The following GLT1D1 variants were observed in gnomAD, a reference collection of about 807,000 sequenced individuals.
The protein encoded by GLT1D1 is glycosyltransferase 1 domain containing 1, also known as glycosyltransferase 1 domain-containing protein 1.
In GLT1D1, 21 loss-of-function variants were observed where a neutral mutation model predicts 28.7. The ratio of observed to expected loss-of-function variants is 0.73; its 90% CI spans 0.52 to 1.05. GLT1D1 has a LOEUF of 1.05. GLT1D1 is among the 50% of genes least tolerant of loss of function. The pLI, the probability that GLT1D1 is intolerant of heterozygous loss-of-function variation, is 0.00. For missense variants in GLT1D1, 343 were observed against 330.6 expected, an observed-to-expected ratio of 1.04 and a Z score of -0.29; for synonymous variants, 147 against 124.8, an observed-to-expected ratio of 1.18 and a Z score of -1.19.
Position 128,853,513 on chromosome 12 carries a change from G to C in GLT1D1, c.-69G>C. 9.9e-7 allele frequency: 1 copy of C among 1,008,306 alleles called. No individual in the cohort carries two copies. The highest frequency in any genetic ancestry group is 1.2e-6 in the Non-Finnish European group (1 of 846,022). The allele number at this position is 1,008,306 out of a possible 1,614,324, so 62.5% of individuals were successfully genotyped here. A position where few individuals can be genotyped will look rare whatever the true frequency, so the allele number is the denominator to read the frequency against. On this transcript the variant is annotated 5_prime_UTR_variant, in exon 1 of 8. Transcript: ENST00000281703. ...CCGCCCCGGCTCCCCCGCCGTCCGCGTCTGCGCCGGCCCCGGGGCCTGGTC... is the reference window on the plus strand; with the variant it reads ...CCGCCCCGGCTCCCCCGCCGTCCGCCTCTGCGCCGGCCCCGGGGCCTGGTC...
At chr12:128,893,304 T>C (rs568661834) in intron 3 of GLT1D1, among the ~76,000 whole-genome samples, 1 of 152,202 alleles carries the variant, frequency 6.6e-6, no homozygotes, top group South Asian at 2.1e-4. Flanking sequence ...AGAGAGTTTG[T>C]ATAAAATGAA....
At chr12:128,877,947 C>T (rs1013150075) in intron 2 of GLT1D1, among the ~76,000 whole-genome samples, 5 of 152,318 alleles carry the variant, frequency 3.3e-5, no homozygotes, top group African/African-American at 1.2e-4. Context: ...GTCTCAGTTC[C>T]TTACCACATG....
intron 2 of GLT1D1, among the ~76,000 whole-genome samples, chr12:128,881,561 A>AATATATATATATATATATATATATAT (rs1174737837): frequency 5.9e-5 from 2 of 33,722 alleles, no homozygotes; most frequent in African/African-American, 1.1e-4. Flanking sequence ...AAAAAAAAAA[A>AATATATATATATATATATATATATAT]ATATATATAT....
chr12:128,866,819 C>T (rs1001000014), intron 1 of GLT1D1, among the ~76,000 whole-genome samples: 1 of 151,896 alleles, frequency 6.6e-6, no homozygotes, highest in Non-Finnish European at 1.5e-5. Flanking sequence ...CAGGGTTTCA[C>T]CTTGTTGGCC....
intron 2 of GLT1D1, 59 bp downstream of exon 2, chr12:128,876,121 G>A: frequency 2.0e-6 from 3 of 1,465,288 alleles, no homozygotes; most frequent in Non-Finnish European, 1.9e-6. Flanking sequence ...GGAAGTGCCT[G>A]TAATGTCCAA....
chr12:128,952,536 G>A (rs1593181531), intron 6 of GLT1D1, among the ~76,000 whole-genome samples: 2 of 149,100 alleles, frequency 1.3e-5, no homozygotes, highest in South Asian at 2.1e-4. Flanking sequence ...AGCCGATCTC[G>A]GCTCACCCCA....
intron 4 of GLT1D1, among the ~76,000 whole-genome samples, chr12:128,916,032 T>C (rs1176601845): frequency 1.3e-5 from 2 of 152,216 alleles, no homozygotes; most frequent in Non-Finnish European, 2.9e-5. Context: ...AATTTCTGTC[T>C]CTTTATAGGC....
chr12:128,870,621 A>G (rs1382807853), intron 1 of GLT1D1, among the ~76,000 whole-genome samples: 4 of 152,368 alleles, frequency 2.6e-5, no homozygotes, highest in South Asian at 4.1e-4. Context: ...ATTTTAGTTC[A>G]TGAATAATTT....
chr12:128,944,488 C>T, intron 4 of GLT1D1: 1 of 1,170,816 alleles, frequency 8.5e-7, no homozygotes, highest in Non-Finnish European at 1.3e-6. Flanking sequence ...GAGCGGCTCC[C>T]CTGTCAGAGC....
intron 2 of GLT1D1, among the ~76,000 whole-genome samples, chr12:128,879,793 T>C (rs977439603): frequency 6.6e-6 from 1 of 152,214 alleles, no homozygotes; most frequent in Middle Eastern, 3.2e-3. Flanking sequence ...TTTACACACA[T>C]ATGTGGAACA....
chr12:128,864,693 G>A (rs1318338247), intron 1 of GLT1D1, among the ~76,000 whole-genome samples: 1 of 152,342 alleles, frequency 6.6e-6, no homozygotes, highest in East Asian at 1.9e-4. Flanking sequence ...AGGGGCTCGG[G>A]CATATTTGAT....
chr12:128,856,743 G>A (rs953598282), intron 1 of GLT1D1, among the ~76,000 whole-genome samples: 2 of 152,080 alleles, frequency 1.3e-5, no homozygotes, highest in Non-Finnish European at 2.9e-5. Context: ...TTGTGCTTAA[G>A]AAGTAATTAC....
At chr12:128,916,092 A>G (rs1290074263) in intron 4 of GLT1D1, among the ~76,000 whole-genome samples, 3 of 152,180 alleles carry the variant, frequency 2.0e-5, no homozygotes, top group Non-Finnish European at 2.9e-5. Flanking sequence ...CCTGTTCTTG[A>G]ACTTCATCTA....
At chr12:128,879,761 CCT>C (rs1292490943) in intron 2 of GLT1D1, among the ~76,000 whole-genome samples, 1 of 152,034 alleles carries the variant, frequency 6.6e-6, no homozygotes, top group African/African-American at 2.4e-5. Context: ...GCAGCCGGCC[CCT>C]GTTATTTCTT....
intron 1 of GLT1D1, among the ~76,000 whole-genome samples, chr12:128,863,380 T>TA (rs1351916036): frequency 1.3e-5 from 2 of 150,912 alleles, no homozygotes; most frequent in African/African-American, 4.9e-5. Flanking sequence ...AATTTATTAT[T>TA]TTTTTTTTTG....
At chr12:128,924,225 G>A (rs1049249337) in intron 4 of GLT1D1, among the ~76,000 whole-genome samples, 1 of 151,844 alleles carries the variant, frequency 6.6e-6, no homozygotes, top group Non-Finnish European at 1.5e-5. Flanking sequence ...TCAGGAGTTC[G>A]AGACCAGCCT....
chr12:128,915,584 C>T (rs1014777665), intron 4 of GLT1D1, among the ~76,000 whole-genome samples: 8 of 151,982 alleles, frequency 5.3e-5, no homozygotes, highest in Admixed American at 1.3e-4. Context: ...AGGCTGGTCT[C>T]GAACTCCTGA....
intron 1 of GLT1D1, among the ~76,000 whole-genome samples, chr12:128,870,807 A>C (rs1244249132): frequency 6.6e-6 from 1 of 152,048 alleles, no homozygotes; most frequent in Non-Finnish European, 1.5e-5. Context: ...GCCTGCCAAC[A>C]TGGTGAAACT....
At chr12:128,981,077 A>G (rs1255368452) in intron 7 of GLT1D1, among the ~76,000 whole-genome samples, 1 of 152,200 alleles carries the variant, frequency 6.6e-6, no homozygotes, top group Non-Finnish European at 1.5e-5. Context: ...CTTAGGATTC[A>G]AGAGAGATTT....
Sources: allele counts gnomAD v4.1 joint callset (sites outside exome capture counted in the v4.1 genomes callset), GRCh38; gene constraint gnomAD v4.1.1; transcripts MANE v1.5; gene names NCBI Gene and HGNC (gene_info 2026-07-23, HGNC 2026-07-21).